Variants in ERO1B observed in about 807,000 individuals in gnomAD.
ERO1B encodes ERO1-like protein beta.
A neutral mutation model predicts 75.3 loss-of-function variants in ERO1B; 49 were observed. The ratio of observed to expected loss-of-function variants is 0.65; its 90% CI spans 0.52 to 0.83. The LOEUF is 0.83. Among genes scored for constraint, ERO1B ranks in the 40% least tolerant of loss-of-function variants. The pLI is 0.00. For missense variants in ERO1B, 512 were observed against 560.1 expected, an observed-to-expected ratio of 0.91 and a Z score of 0.87; for synonymous variants, 191 against 192.9, an observed-to-expected ratio of 0.99 and a Z score of 0.08.
At chr1:236,276,788 C>G (rs951651896) in intron 1 of ERO1B, among the ~76,000 whole-genome samples, 9 of 152,180 alleles carry the variant, frequency 5.9e-5, no homozygotes, top group African/African-American at 2.2e-4. Context: ...GAAAAGATAA[C>G]TTTAAAACAG....
At chr1:236,251,406 T>A in intron 4 of ERO1B, 1 of 778,460 alleles carries the variant, frequency 1.3e-6, no homozygotes, top group South Asian at 5.8e-5. Context: ...ACTGCTTTTA[T>A]ATGGTTTTAT....
chr1:236,281,653 G>A (rs1262895434), intron 1 of ERO1B, 29 bp downstream of exon 1: 13 of 1,378,614 alleles, frequency 9.4e-6, no homozygotes, highest in African/African-American at 1.5e-5. Flanking sequence ...TCGGCCGGGG[G>A]TTCCCGGCCC....
rs956416249 is a variant in ERO1B, at chr1:236,252,111, C to T, written c.307-20G>A. ...TTTACTCTTAAAAAAACAAGAAAAG[C>T]AAAAAAATTTTTAAGTGATCTTTAT... is the stretch of plus-strand genomic sequence containing the variant. On this transcript the variant is annotated intron_variant, in intron 3 of 15. Transcript: ENST00000354619. 20 of 1,549,868 alleles carry T rather than the reference C, an allele frequency of 1.3e-5. No homozygotes were observed. In the African/African-American group the frequency reaches 2.6e-4, roughly 20 times the overall value.
intron 2 of ERO1B, among the ~76,000 whole-genome samples, chr1:236,259,561 C>T (rs934779282): frequency 6.6e-6 from 1 of 152,022 alleles, no homozygotes; most frequent in Admixed American, 6.6e-5. Context: ...TTCTATGCAA[C>T]TAGAAACCAA....
At chr1:236,248,966 A>G (rs1357077990) in intron 5 of ERO1B, among the ~76,000 whole-genome samples, 1 of 152,100 alleles carries the variant, frequency 6.6e-6, no homozygotes, top group Non-Finnish European at 1.5e-5. Flanking sequence ...TTTGTCTTCA[A>G]TAAATAAAAT....
intron 5 of ERO1B, among the ~76,000 whole-genome samples, chr1:236,248,181 A>G (rs928268933): frequency 6.6e-6 from 1 of 152,232 alleles, no homozygotes. Flanking sequence ...TGTTGAATGA[A>G]TAAGAAACTC....
intron 5 of ERO1B, among the ~76,000 whole-genome samples, chr1:236,245,751 A>T (rs1175351958): frequency 4.6e-5 from 6 of 129,934 alleles, no homozygotes; most frequent in Admixed American, 7.9e-5. Flanking sequence ...ACGCCTGGCT[A>T]ATTTTTTTAT....
chr1:236,232,962 A>G, intron 8 of ERO1B, 123 bp from the exon 9 acceptor site: 2 of 717,344 alleles, frequency 2.8e-6, no homozygotes, highest in East Asian at 6.1e-5. Context: ...GTCACTGAGT[A>G]GACGCCCTGC....
At chr1:236,266,202 A>G (rs1268613) in intron 2 of ERO1B, among the ~76,000 whole-genome samples, 37,331 of 152,230 alleles carry the variant, frequency 0.25, 4,816 homozygotes, top group East Asian at 0.39. Context: ...TAAGAAGTAA[A>G]AAAGAGAAGT....
chr1:236,241,219 T>C (rs749235536), intron 6 of ERO1B, among the ~76,000 whole-genome samples: 23 of 151,998 alleles, frequency 1.5e-4, no homozygotes, highest in Non-Finnish European at 2.6e-4. Context: ...AACTAAACAA[T>C]GATTCTAAAG....
At chr1:236,279,503 T>TCAAAAAAAAAAA (rs1665776707) in intron 1 of ERO1B, among the ~76,000 whole-genome samples, 1 of 2,160 alleles carries the variant, frequency 4.6e-4, no homozygotes, top group Non-Finnish European at 1.3e-3. Context: ...AGACTCCATC[T>TCAAAAAAAAAAA]CAAAAAAAAA....
At chr1:236,265,031 C>G (rs574986199) in intron 2 of ERO1B, among the ~76,000 whole-genome samples, 1 of 129,900 alleles carries the variant, frequency 7.7e-6, no homozygotes, top group Non-Finnish European at 1.7e-5. Context: ...TTTTATGGCT[C>G]TAGTTATTTT....
At chr1:236,235,960 A>C in intron 7 of ERO1B, 125 bp from the exon 8 acceptor site, 1 of 835,144 alleles carries the variant, frequency 1.2e-6, no homozygotes, top group Non-Finnish European at 1.9e-6. Context: ...AGTTTCACTT[A>C]GTCACCCAGG....
intron 1 of ERO1B, among the ~76,000 whole-genome samples, chr1:236,275,070 A>G (rs1665680586): frequency 6.6e-6 from 1 of 152,232 alleles, no homozygotes; most frequent in Non-Finnish European, 1.5e-5. Flanking sequence ...GGACTATACA[A>G]TAGGCAAGAA....
chr1:236,254,474 TTATAAACTC>T (rs892908592), intron 2 of ERO1B, among the ~76,000 whole-genome samples: 12 of 152,178 alleles, frequency 7.9e-5, no homozygotes, highest in Non-Finnish European at 1.5e-4. Context: ...CCCTTAGAGT[TTATAAACTC>T]TGCAGCAAGC....
rs1472867042 is a variant in ERO1B at position 236,216,157 on chromosome 1, C to T, written c.*2359G>A. 6.6e-6 allele frequency: 1 copy of T among 151,852 alleles called. No homozygotes were observed. Among genetic ancestry groups the T allele is most frequent in the Non-Finnish European group, 1.5e-5 (1 of 67,964 alleles). The allele number at this position is 151,852 out of a possible 1,614,324, so 9.4% of individuals were successfully genotyped here. A position where few individuals can be genotyped will look rare whatever the true frequency, so the allele number is the denominator to read the frequency against. Reference sequence around the variant, plus strand: ...ACGCCATTGAAGGAAGGAATATTTTCCTTTTCTTCATTTTCATTACTTCAT... The same window carrying T: ...ACGCCATTGAAGGAAGGAATATTTTTCTTTTCTTCATTTTCATTACTTCAT... On this transcript the variant is annotated 3_prime_UTR_variant, in exon 16 of 16. Transcript: ENST00000354619.
chr1:236,236,925 C>T (rs150708098), intron 6 of ERO1B, among the ~76,000 whole-genome samples: 249 of 152,174 alleles, frequency 1.6e-3, no homozygotes, highest in Non-Finnish European at 2.9e-3. Flanking sequence ...TAAAGCTATA[C>T]CATGCTCTAG....
Position 236,226,366 on chromosome 1 carries a change from G to C in ERO1B, c.955C>G (p.Pro319Ala), listed in dbSNP as rs761141225. 1.9e-6 allele frequency: 3 copies of C among 1,614,052 alleles called. No homozygotes were observed. In the Admixed American group the frequency reaches 5.0e-5, roughly 27 times the overall value. ...TCGACAATTGAGCGCTCAAAATATG[G>C]AGCCACCTTTGACAAAGCTCGAAGC... Reference protein sequence around the residue: ...IELRALSKVAPYFERSIVDLY... With the variant: ...IELRALSKVAAYFERSIVDLY... The change falls in exon 12 of 16, where the codon CCA becomes GCA. Residue 319 changes from proline to alanine, a missense_variant. Coordinates refer to ENST00000354619, the MANE Select transcript of ERO1B (RefSeq NM_019891.4).
In ERO1B at chr1:236,215,216, AG is replaced by A. The variant is rs1663939699; in HGVS notation, c.*3299del. On this transcript the variant is annotated 3_prime_UTR_variant, in exon 16 of 16. Coordinates refer to ENST00000354619, the MANE Select transcript of ERO1B (RefSeq NM_019891.4). ...AAAATGTCACAAAGGTTCTAGAATC[AG>A]TCTTTCTCGTCTCAAATTCTTGCTC... 6.6e-6 allele frequency among the ~76,000 whole-genome samples: 1 copy of A among 152,236 alleles called. No homozygotes were observed. The highest frequency in any genetic ancestry group is 2.1e-4 in the South Asian group (1 of 4,834).
Sources: allele counts gnomAD v4.1 joint callset (sites outside exome capture counted in the v4.1 genomes callset), GRCh38; gene constraint gnomAD v4.1.1; transcripts MANE v1.5; gene names NCBI Gene and HGNC (gene_info 2026-07-23, HGNC 2026-07-21).